Variants in TUSC3 observed in about 807,000 individuals in gnomAD.
TUSC3 encodes the protein dolichyl-diphosphooligosaccharide--protein glycosyltransferase subunit TUSC3.
A neutral mutation model predicts 44.8 loss-of-function variants in TUSC3; 45 were observed. The ratio of observed to expected loss-of-function variants is 1.00; its 90% CI spans 0.79 to 1.29. TUSC3 has a LOEUF of 1.29. Among genes scored for constraint, TUSC3 ranks in the 50% most tolerant of loss-of-function variants. The probability of loss-of-function intolerance (pLI) is 0.00; values close to 1 mark genes in which losing one functional copy is unlikely to be tolerated. For synonymous variants in TUSC3, 212 were observed against 152.9 expected, an observed-to-expected ratio of 1.39 and a Z score of -2.85; for missense variants, 519 against 437.9, an observed-to-expected ratio of 1.19 and a Z score of -1.65.
intron 9 of TUSC3, among the ~76,000 whole-genome samples, chr8:15,756,228 T>C (rs1811922867): frequency 6.6e-6 from 1 of 152,174 alleles, no homozygotes. Context: ...TAAAGTTAGT[T>C]ACTTAACTTC....
chr8:15,779,410 T>C, the TUSC3 span, among the ~76,000 whole-genome samples: 4 of 152,036 alleles, frequency 2.6e-5, no homozygotes, highest in Non-Finnish European at 4.4e-5. Flanking sequence ...TCCAAAAATA[T>C]CCTTTAACCA....
intron 2 of TUSC3, among the ~76,000 whole-genome samples, chr8:15,501,209 G>T (rs974424192): frequency 1.3e-5 from 2 of 152,046 alleles, no homozygotes; most frequent in African/African-American, 2.4e-5. Flanking sequence ...CCCTTTTGAG[G>T]ATTTGCTAAC....
At chr8:15,567,548 G>A (rs755786127) in intron 1 of TUSC3, among the ~76,000 whole-genome samples, 1 of 152,180 alleles carries the variant, frequency 6.6e-6, no homozygotes. Flanking sequence ...ATTGTCAATG[G>A]CTTTGCATAT....
intron 1 of TUSC3, among the ~76,000 whole-genome samples, chr8:15,565,197 G>C (rs1233397066): frequency 1.3e-5 from 2 of 149,528 alleles, no homozygotes; most frequent in African/African-American, 4.9e-5. Context: ...GCAGTTTCTA[G>C]AGGCTGCTGG....
intron 9 of TUSC3, among the ~76,000 whole-genome samples, chr8:15,749,981 A>C (rs2129218755): frequency 6.8e-6 from 1 of 146,146 alleles, no homozygotes; most frequent in Non-Finnish European, 1.5e-5. Context: ...TGATACTGTG[A>C]GATTTTTTTT....
chr8:15,828,169 AT>A, the TUSC3 span, among the ~76,000 whole-genome samples: 13 of 152,014 alleles, frequency 8.6e-5, no homozygotes, highest in East Asian at 2.5e-3. Flanking sequence ...TAATTTTTGT[AT>A]TTTTAGTAGA....
chr8:15,792,741 G>C, the TUSC3 span, among the ~76,000 whole-genome samples: 1 of 151,818 alleles, frequency 6.6e-6, no homozygotes, highest in Non-Finnish European at 1.5e-5. Flanking sequence ...TCAGCTCCTC[G>C]AGTAGCTGGG....
Position 15,451,440 on chromosome 8 carries a change from G to A in TUSC3, n.92-31946G>A, listed in dbSNP as rs571698068. ...GGCGAGTTGATCACCAATGGCCAATGATTTAACCAATCATGGCTACATAAT... is the reference window on the plus strand; with the variant it reads ...GGCGAGTTGATCACCAATGGCCAATAATTTAACCAATCATGGCTACATAAT... On this transcript the variant is annotated intron_variant and non_coding_transcript_variant, in intron 1 of 5. Coordinates refer to the TUSC3 transcript ENST00000503191. Among the ~76,000 whole-genome samples, 4 of 152,226 alleles carry A rather than the reference G, an allele frequency of 2.6e-5. No individual in the cohort carries two copies. The East Asian group carries it at 7.8e-4, about 30-fold the overall frequency.
chr8:15,716,835 C>T (rs929411707), intron 6 of TUSC3, among the ~76,000 whole-genome samples: 2 of 151,766 alleles, frequency 1.3e-5, no homozygotes, highest in African/African-American at 2.4e-5. Context: ...ACTATTTATA[C>T]GATTTTTTTG....
chr8:15,839,274 T>A, the TUSC3 span, among the ~76,000 whole-genome samples: 1 of 152,098 alleles, frequency 6.6e-6, no homozygotes, highest in Non-Finnish European at 1.5e-5. Context: ...ATGATGGGGT[T>A]TTCTAAATAT....
intron 1 of TUSC3, among the ~76,000 whole-genome samples, chr8:15,553,353 G>C (rs1802122652): frequency 6.6e-6 from 1 of 151,708 alleles, no homozygotes; most frequent in Non-Finnish European, 1.5e-5. Context: ...ATTTTGGTGT[G>C]CTGCAAAAGC....
At chr8:15,489,840 G>A (rs1243339156) in intron 2 of TUSC3, among the ~76,000 whole-genome samples, 1 of 152,168 alleles carries the variant, frequency 6.6e-6, no homozygotes, top group Non-Finnish European at 1.5e-5. Flanking sequence ...AACAGATGGG[G>A]TCCATTCAGT....
At chr8:15,739,123 G>T (rs568595705) in intron 7 of TUSC3, among the ~76,000 whole-genome samples, 3 of 151,820 alleles carry the variant, frequency 2.0e-5, no homozygotes, top group Admixed American at 6.6e-5. Flanking sequence ...GAGCCACTGC[G>T]CCTGGCCTCT....
At position 15,493,927 on chromosome 8, in the gene TUSC3, C is replaced by T. The variant is rs188852088; in HGVS notation, n.189+10444C>T. 3.6e-3 allele frequency among the ~76,000 whole-genome samples: 554 copies of T among 152,324 alleles called. 4 individuals carry two copies. Among genetic ancestry groups the T allele is most frequent in the African/African-American group, 0.013 (534 of 41,584 alleles). On this transcript the variant is annotated intron_variant and non_coding_transcript_variant, in intron 2 of 5. Coordinates refer to the TUSC3 transcript ENST00000503191. ...TCCACTAAAAAGACCAATAAATATG[C>T]TGTAACCTCTTCAGTGACTTCTGGA...
chr8:15,535,266 T>C (rs1563276754), upstream of TUSC3, among the ~76,000 whole-genome samples: 1 of 152,232 alleles, frequency 6.6e-6, no homozygotes, highest in Non-Finnish European at 1.5e-5. Flanking sequence ...GCTTATGTTT[T>C]AAAGCAAGGA....
the TUSC3 span, chr8:15,806,063 A>T: frequency 7.5e-6 from 2 of 266,830 alleles, no homozygotes; most frequent in East Asian, 1.9e-4. Context: ...CTTAAAGTTG[A>T]GGACGGATGT....
At chr8:15,500,806 A>G (rs1453500336) in intron 2 of TUSC3, among the ~76,000 whole-genome samples, 2 of 152,208 alleles carry the variant, frequency 1.3e-5, no homozygotes, top group Non-Finnish European at 2.9e-5. Flanking sequence ...TTTTCTGTTC[A>G]TGAATATTAA....
chr8:15,472,370 G>C (rs1800505274), intron 1 of TUSC3, among the ~76,000 whole-genome samples: 1 of 152,152 alleles, frequency 6.6e-6, no homozygotes, highest in Non-Finnish European at 1.5e-5. Flanking sequence ...TTTCTATCTA[G>C]AAAGTTAAAG....
chr8:15,480,478 A>G (rs1178269520), intron 1 of TUSC3, among the ~76,000 whole-genome samples: 1 of 152,246 alleles, frequency 6.6e-6, no homozygotes, highest in Non-Finnish European at 1.5e-5. Context: ...CAGAAGTCCT[A>G]CATCAAGTAC....
Sources: gnomAD v4.1 joint callset for allele counts (sites outside exome capture counted in the v4.1 genomes callset) on GRCh38, gnomAD v4.1.1 for gene constraint, MANE v1.5 for transcripts, NCBI Gene and HGNC (gene_info 2026-07-23, HGNC 2026-07-21) for gene names.